The following LYZ variants were observed in gnomAD, a reference collection of about 807,000 sequenced individuals.
LYZ encodes the protein lysozyme C.
In LYZ, 18 loss-of-function variants were observed where a neutral mutation model predicts 15.8. The observed-to-expected ratio is 1.14, with a 90% CI of 0.79 to 1.69. LYZ has a LOEUF of 1.69. Among genes scored for constraint, LYZ ranks in the 40% most tolerant of loss-of-function variants. The pLI, the probability that LYZ is intolerant of heterozygous loss-of-function variation, is 0.00. For synonymous variants in LYZ, 60 were observed against 61.7 expected (o/e 0.97, Z 0.13); for missense variants, 139 against 182.8 (o/e 0.76, Z 1.38).
intron 3 of LYZ, 93 bp downstream of exon 3, chr12:69,352,391 A>G: frequency 2.1e-6 from 2 of 962,000 alleles, no homozygotes; most frequent in South Asian, 1.4e-5. Context: ...TATGCTAATG[A>G]CACCTCAAAA....
chr12:69,352,727 T>C (rs1874868960), intron 3 of LYZ, among the ~76,000 whole-genome samples: 1 of 152,036 alleles, frequency 6.6e-6, no homozygotes, highest in Non-Finnish European at 1.5e-5. Context: ...TACAAAAAAT[T>C]AGCTGGGTGT....
Position 69,353,494 on chromosome 12 carries a change from G to GTTATTTTTTTTTTTT in LYZ, c.*277_*278insATTTTTTTTTTTTTT, listed in dbSNP as rs1565670433. ...ATCAAATACATCTCCAGTACATTCCGTTCTTTTTTTTTTTGAGACAGTCTC... is the reference window on the plus strand; with the variant it reads ...ATCAAATACATCTCCAGTACATTCCGTTATTTTTTTTTTTTTTCTTTTTTTTTTTGAGACAGTCTC... On this transcript the variant is annotated 3_prime_UTR_variant, in exon 4 of 4. Coordinates refer to ENST00000261267, the MANE Select transcript of LYZ (RefSeq NM_000239.3). The GTTATTTTTTTTTTTT allele has an allele frequency of 2.8e-5, 6 of 211,290 alleles. No individual in the cohort carries two copies. The highest frequency in any genetic ancestry group is 8.8e-5 in the African/African-American group (1 of 11,362). 13.1% of individuals were successfully genotyped at this position (211,290 alleles called of 1,614,324 possible). A position where few individuals can be genotyped will look rare whatever the true frequency, so the allele number is the denominator to read the frequency against.
chr12:69,349,765 T>C (rs995010561), intron 1 of LYZ, among the ~76,000 whole-genome samples: 1 of 152,250 alleles, frequency 6.6e-6, no homozygotes, highest in Non-Finnish European at 1.5e-5. Flanking sequence ...TGCTATGAAT[T>C]TACAAAATCT....
At position 69,353,141 on chromosome 12, in the gene LYZ, C is replaced by A; in HGVS notation, c.381-12C>A. 1 of 1,608,182 alleles carries A rather than the reference C, an allele frequency of 6.2e-7. No homozygotes were observed. The highest frequency in any genetic ancestry group is 8.5e-7 in the Non-Finnish European group (1 of 1,174,558). ...TTTAACCTTTCACCATTTGCTTCAT[C>A]TTTTTCTACAGGGTGGCATGGAGAA... On this transcript the variant is annotated splice_polypyrimidine_tract_variant and intron_variant, in intron 3 of 3. Coordinates refer to ENST00000261267, the MANE Select transcript of LYZ (RefSeq NM_000239.3).
intron 3 of LYZ, among the ~76,000 whole-genome samples, 189 bp from the exon 4 acceptor site, chr12:69,352,964 A>T (rs879019357): frequency 1.3e-5 from 2 of 152,236 alleles, no homozygotes; most frequent in South Asian, 4.1e-4. Context: ...TCTATGCTCT[A>T]CTGAGAAATT....
intron 2 of LYZ, 42 bp downstream of exon 2, chr12:69,350,314 A>G (rs768493503): frequency 2.5e-6 from 4 of 1,604,746 alleles, no homozygotes; most frequent in South Asian, 2.2e-5. Context: ...TATACTTACA[A>G]GAATTGAGAC....
At chr12:69,352,387 A>G in intron 3 of LYZ, 89 bp downstream of exon 3, 1 of 991,324 alleles carries the variant, frequency 1.0e-6, no homozygotes, top group South Asian at 1.4e-5. Flanking sequence ...AAAGTATGCT[A>G]ATGACACCTC....
At chr12:69,349,367 G>A (rs918907183) in intron 1 of LYZ, among the ~76,000 whole-genome samples, 6 of 152,162 alleles carry the variant, frequency 3.9e-5, no homozygotes, top group African/African-American at 1.4e-4. Flanking sequence ...AAGAGCAGTA[G>A]GAACCTAGTT....
chr12:69,353,497 C>CTTTTTTTTTTTTTTTTTTTTTTT lies in LYZ; in HGVS notation c.*289_*290insTTTTTTTTTTTTTTTTTTTTTTT, dbSNP rs71094709. On this transcript the variant is annotated 3_prime_UTR_variant, in exon 4 of 4. Transcript: ENST00000261267. ...AAATACATCTCCAGTACATTCCGTT[C>CTTTTTTTTTTTTTTTTTTTTTTT]TTTTTTTTTTTGAGACAGTCTCGCT... The CTTTTTTTTTTTTTTTTTTTTTTT allele has an allele frequency of 7.9e-6, 2 of 252,662 alleles. No homozygotes were observed. Among genetic ancestry groups the CTTTTTTTTTTTTTTTTTTTTTTT allele is most frequent in the African/African-American group, 3.1e-5 (1 of 32,688 alleles). The allele number at this position is 252,662 out of a possible 1,614,324, so 15.7% of individuals were successfully genotyped here. A position where few individuals can be genotyped will look rare whatever the true frequency, so the allele number is the denominator to read the frequency against.
chr12:69,349,934 G>T (rs1425028467), intron 1 of LYZ, among the ~76,000 whole-genome samples, 174 bp from the exon 2 acceptor site: 1 of 152,130 alleles, frequency 6.6e-6, no homozygotes, highest in Admixed American at 6.5e-5. Flanking sequence ...ATTACAAAAG[G>T]ATTCTCTTAC....
chr12:69,352,203 T>TACC lies in LYZ; in HGVS notation c.302-13_302-11dup, dbSNP rs771751599. ...AATATCTATTAAAGTTTTTATTCCT[T>TACC]ACCACCTGTCTTTCAGCTTTGCTGC... On this transcript the variant is annotated splice_polypyrimidine_tract_variant and intron_variant, in intron 2 of 3. Transcript: ENST00000261267. The TACC allele has an allele frequency of 2.5e-6, 4 of 1,595,766 alleles. No individual in the cohort carries two copies. The African/African-American group carries it at 4.0e-5, about 16-fold the overall frequency.
intron 2 of LYZ, 72 bp downstream of exon 2, chr12:69,350,344 C>A: frequency 1.3e-6 from 2 of 1,532,904 alleles, no homozygotes; most frequent in Non-Finnish European, 1.8e-6. Context: ...ATGAAAAAGC[C>A]TTGAAAGGTT....
In LYZ at chr12:69,348,531, C is replaced by G; in HGVS notation, c.123C>G (p.Ile41Met). The G allele has an allele frequency of 1.2e-6, 2 of 1,614,200 alleles. No individual in the cohort carries two copies. Among genetic ancestry groups the G allele is most frequent in the Non-Finnish European group, 1.7e-6 (2 of 1,180,022 alleles). Residue 41 changes from isoleucine (I) to methionine (M), a missense_variant, in exon 1 of 4, where the codon ATC becomes ATG. Ile to Met is a conservative substitution (Grantham distance 10, BLOSUM62 1). Coordinates refer to ENST00000261267, the MANE Select transcript of LYZ (RefSeq NM_000239.3). ...TGGGAATGGATGGCTACAGGGGAAT[C>G]AGCCTAGCAAACTGTAAGTCTACTC... ...KRLGMDGYRG[I>M]SLANWMCLAK...
chr12:69,353,317 A>T lies in LYZ; in HGVS notation c.*98A>T. ...CACTACCATTATTTCCCCTTCAAACAAATAATATTTTTACAGAAGCAGGAG... is the reference window on the plus strand; with the variant it reads ...CACTACCATTATTTCCCCTTCAAACTAATAATATTTTTACAGAAGCAGGAG... On this transcript the variant is annotated 3_prime_UTR_variant, in exon 4 of 4. Coordinates refer to ENST00000261267, the MANE Select transcript of LYZ (RefSeq NM_000239.3). 6 of 969,908 alleles carry T rather than the reference A, an allele frequency of 6.2e-6. No homozygotes were observed. In the South Asian group the frequency reaches 7.7e-5, roughly 12 times the overall value. 60.1% of individuals were successfully genotyped at this position (969,908 alleles called of 1,614,324 possible).
Position 69,353,259 on chromosome 12 carries a change from A to T in LYZ, c.*40A>T. On this transcript the variant is annotated 3_prime_UTR_variant, in exon 4 of 4. Coordinates refer to ENST00000261267, the MANE Select transcript of LYZ (RefSeq NM_000239.3). ...TTCTTCAGCTCATTTTGTCTCTCTC[A>T]CATTAAGGGAGTAGGAATTAAGTGA... 1 of 1,433,924 alleles carries T rather than the reference A, an allele frequency of 7.0e-7. No homozygotes were observed. Among genetic ancestry groups the T allele is most frequent in the South Asian group, 1.1e-5 (1 of 87,326 alleles). 88.8% of individuals were successfully genotyped at this position (1,433,924 alleles called of 1,614,324 possible).
Position 69,353,168 on chromosome 12 carries a change from T to C in LYZ, c.396T>C (p.Asn132=). 1.2e-6 allele frequency: 2 copies of C among 1,613,988 alleles called. No individual in the cohort carries two copies. The change falls in exon 4 of 4, where the codon AAT becomes AAC. Residue 132 remains asparagine (N), a synonymous_variant. Coordinates refer to ENST00000261267, the MANE Select transcript of LYZ (RefSeq NM_000239.3). ...TTTTCTACAGGGTGGCATGGAGAAATCGTTGTCAAAACAGAGATGTCCGTC... is the reference window on the plus strand; with the variant it reads ...TTTTCTACAGGGTGGCATGGAGAAACCGTTGTCAAAACAGAGATGTCCGTC... ...QGIRAWVAWR[N]RCQNRDVRQY...
Position 69,353,384 on chromosome 12 carries a change from T to C in LYZ, c.*165T>C, listed in dbSNP as rs1437210058. 4.3e-6 allele frequency: 3 copies of C among 698,162 alleles called. No homozygotes were observed. The highest frequency in any genetic ancestry group is 7.8e-6 in the Non-Finnish European group (3 of 383,734). The allele number at this position is 698,162 out of a possible 1,614,324, so 43.2% of individuals were successfully genotyped here. On this transcript the variant is annotated 3_prime_UTR_variant, in exon 4 of 4. Coordinates refer to ENST00000261267, the MANE Select transcript of LYZ (RefSeq NM_000239.3). ...TTCTAAGAGATATAATGTTCACTAATGTGGTTATTTTACATTAAGCCTACA... is the reference window on the plus strand; with the variant it reads ...TTCTAAGAGATATAATGTTCACTAACGTGGTTATTTTACATTAAGCCTACA...
At chr12:69,353,038 TCTTA>T (rs1181267274) in intron 3 of LYZ, 111 bp from the exon 4 acceptor site, 9 of 783,552 alleles carry the variant, frequency 1.1e-5, no homozygotes, top group African/African-American at 1.0e-4. Flanking sequence ...GCTGGGTCTA[TCTTA>T]CTATTTTATC....
At chr12:69,350,552 C>G (rs1874820615) in intron 2 of LYZ, 1 of 373,334 alleles carries the variant, frequency 2.7e-6, no homozygotes, top group Non-Finnish European at 5.0e-6. Flanking sequence ...GCCATTGCTC[C>G]TGCTTACTTT....
Sources: allele counts gnomAD v4.1 joint callset (sites outside exome capture counted in the v4.1 genomes callset), GRCh38; gene constraint gnomAD v4.1.1; transcripts MANE v1.5; gene names NCBI Gene and HGNC (gene_info 2026-07-23, HGNC 2026-07-21).